PRKG1: variants seen among roughly 807,000 people sequenced by gnomAD.
The protein encoded by PRKG1 is protein kinase cGMP-dependent 1.
A neutral mutation model predicts 88.1 loss-of-function variants in PRKG1; 35 were observed. That is an observed-to-expected ratio of 0.40 (90% CI 0.30 to 0.53). The LOEUF (loss-of-function observed/expected upper bound fraction) is 0.53, where lower values mean the gene tolerates loss of function less well. Ranked by LOEUF, PRKG1 falls within the 20% of genes least tolerant of loss-of-function variation. The probability of loss-of-function intolerance (pLI) is 0.59; values close to 1 mark genes in which losing one functional copy is unlikely to be tolerated. For synonymous variants in PRKG1, 303 were observed against 292.5 expected, an observed-to-expected ratio of 1.04 and a Z score of -0.37; for missense variants, 540 against 839.8, an observed-to-expected ratio of 0.64 and a Z score of 4.41.
chr10:51,185,124 A>T (rs767550597), intron 2 of PRKG1, among the ~76,000 whole-genome samples: 98 of 152,202 alleles, frequency 6.4e-4, no homozygotes, highest in Non-Finnish European at 1.2e-3. Context: ...CAGAATAGCT[A>T]AACTTGCAGA....
chr10:51,658,321 G>T (rs1215331174), intron 3 of PRKG1, among the ~76,000 whole-genome samples: 1 of 152,078 alleles, frequency 6.6e-6, no homozygotes, highest in African/African-American at 2.4e-5. Context: ...AATGCAGAAA[G>T]AAGGCAGTCA....
intron 2 of PRKG1, among the ~76,000 whole-genome samples, chr10:51,296,355 C>G (rs1840720241): frequency 6.6e-6 from 1 of 151,994 alleles, no homozygotes; most frequent in South Asian, 2.1e-4. Context: ...AAATAAATGT[C>G]TTCCTTGTGC....
intron 3 of PRKG1, among the ~76,000 whole-genome samples, chr10:51,770,261 A>G (rs371689360): frequency 1.4e-4 from 22 of 152,340 alleles, no homozygotes; most frequent in African/African-American, 5.3e-4. Context: ...ATAAACCACT[A>G]TCTGAACAGT....
intron 5 of PRKG1, among the ~76,000 whole-genome samples, chr10:51,934,180 T>A (rs986325436): frequency 1.7e-4 from 26 of 151,144 alleles, no homozygotes; most frequent in Non-Finnish European, 3.5e-4. Context: ...ACAAATTAGA[T>A]AAGAAAATCA....
chr10:51,194,236 G>GTTT (rs752598962), intron 2 of PRKG1, among the ~76,000 whole-genome samples: 23 of 140,892 alleles, frequency 1.6e-4, no homozygotes, highest in Non-Finnish European at 3.3e-4. Context: ...TTTTTTTTTA[G>GTTT]TTTTTTTTTT....
intron 3 of PRKG1, among the ~76,000 whole-genome samples, chr10:51,529,113 G>A (rs1196302590): frequency 6.6e-6 from 1 of 152,046 alleles, no homozygotes; most frequent in East Asian, 1.9e-4. Context: ...CTCAGTAGAT[G>A]GCACCACTAT....
chr10:51,925,112 C>G (rs1004485550), intron 5 of PRKG1, among the ~76,000 whole-genome samples: 30 of 151,570 alleles, frequency 2.0e-4, no homozygotes, highest in African/African-American at 7.0e-4. Context: ...TATGTTTTGC[C>G]TTTTACTATG....
chr10:52,128,712 T>C (rs1309133971), intron 7 of PRKG1, among the ~76,000 whole-genome samples: 1 of 152,220 alleles, frequency 6.6e-6, no homozygotes, highest in Non-Finnish European at 1.5e-5. Flanking sequence ...AGCAGCAATT[T>C]TGTAAAAATA....
intron 2 of PRKG1, among the ~76,000 whole-genome samples, chr10:51,436,470 C>T (rs913720353): frequency 1.3e-5 from 2 of 151,642 alleles, no homozygotes; most frequent in African/African-American, 4.9e-5. Context: ...ATTGATTCTT[C>T]CTCCTTCCCA....
intron 3 of PRKG1, among the ~76,000 whole-genome samples, chr10:51,570,049 G>GTATATATATATATATATATATATATATA (rs10617123): frequency 3.1e-4 from 40 of 128,776 alleles, no homozygotes; most frequent in African/African-American, 9.3e-4. Context: ...ACCCAAACTA[G>GTATATATATATATATATATATATATATA]TATATATATA....
intron 5 of PRKG1, among the ~76,000 whole-genome samples, chr10:51,970,535 G>GT (rs1299090542): frequency 6.6e-6 from 1 of 150,810 alleles, no homozygotes; most frequent in East Asian, 1.9e-4. Flanking sequence ...GAACTCTCAC[G>GT]TATGACTCAC....
chr10:52,272,333 G>T (rs538861505), intron 11 of PRKG1, 59 bp from the exon 12 acceptor site: 11 of 1,341,448 alleles, frequency 8.2e-6, no homozygotes, highest in Non-Finnish European at 1.0e-5. Flanking sequence ...CCCCAAAATT[G>T]CACACTTGTA....
At chr10:52,090,168 A>G (rs1482796787) in intron 7 of PRKG1, among the ~76,000 whole-genome samples, 1 of 151,956 alleles carries the variant, frequency 6.6e-6, no homozygotes, top group African/African-American at 2.4e-5. Context: ...CTCCTTGGAG[A>G]AATGGCTAAT....
chr10:51,603,317 C>T (rs573397307), intron 3 of PRKG1, among the ~76,000 whole-genome samples: 10 of 152,074 alleles, frequency 6.6e-5, no homozygotes, highest in African/African-American at 1.4e-4. Flanking sequence ...TGGAGATGGC[C>T]GGGACTTTCA....
chr10:51,704,141 CAAA>C (rs34997783), intron 3 of PRKG1, among the ~76,000 whole-genome samples: 46 of 79,598 alleles, frequency 5.8e-4, no homozygotes, highest in African/African-American at 1.7e-3. Flanking sequence ...GAAACTGTCT[CAAA>C]AAAAAAAAAA....
chr10:52,016,813 T>A (rs57404301), intron 5 of PRKG1, among the ~76,000 whole-genome samples: 6,758 of 152,104 alleles, frequency 0.044, 357 homozygotes, highest in African/African-American at 0.13. Context: ...ATAATAAAAA[T>A]TTTTTAAAAA....
At chr10:51,431,423 G>A (rs547968113) in intron 2 of PRKG1, among the ~76,000 whole-genome samples, 17 of 152,326 alleles carry the variant, frequency 1.1e-4, no homozygotes, top group Admixed American at 1.0e-3. Context: ...AAATGACTTT[G>A]AATTGGCTAG....
intron 5 of PRKG1, among the ~76,000 whole-genome samples, chr10:52,046,064 C>G (rs1451851527): frequency 6.6e-6 from 1 of 152,004 alleles, no homozygotes; most frequent in Non-Finnish European, 1.5e-5. Flanking sequence ...AGGGAGATCT[C>G]TGAATTTTGA....
intron 9 of PRKG1, among the ~76,000 whole-genome samples, chr10:52,213,797 T>G (rs185186010): frequency 1.3e-5 from 2 of 152,306 alleles, no homozygotes; most frequent in South Asian, 4.1e-4. Flanking sequence ...AGCTGTCTTT[T>G]GAAATTCACT....
Sources: allele counts gnomAD v4.1 joint callset (sites outside exome capture counted in the v4.1 genomes callset), GRCh38; gene constraint gnomAD v4.1.1; transcripts MANE v1.5; gene names NCBI Gene and HGNC (gene_info 2026-07-23, HGNC 2026-07-21).